TBC1D22A: variants seen among roughly 807,000 people sequenced by gnomAD.
TBC1D22A encodes the protein TBC1 domain family member 22A, also known as putative GTPase activator.
TBC1D22A carries 38 observed loss-of-function variants against 60.2 expected under a neutral mutation model. The observed-to-expected ratio is 0.63, with a 90% CI of 0.49 to 0.83. The LOEUF (loss-of-function observed/expected upper bound fraction) is 0.83. TBC1D22A is among the 40% of genes least tolerant of loss of function. The pLI is 0.00. For missense variants in TBC1D22A, 628 were observed against 701.0 expected, an observed-to-expected ratio of 0.90 and a Z score of 1.18; for synonymous variants, 302 against 281.7, an observed-to-expected ratio of 1.07 and a Z score of -0.72.
At position 46,862,041 on chromosome 22, in the gene TBC1D22A, G is replaced by A. The variant is rs377369238; in HGVS notation, c.638-16612G>A. Among the ~76,000 whole-genome samples, 5 of 152,188 alleles carry A rather than the reference G, an allele frequency of 3.3e-5. No individual in the cohort carries two copies. The South Asian group carries it at 1.0e-3, about 32-fold the overall frequency. On this transcript the variant is annotated intron_variant, in intron 4 of 12. Coordinates refer to ENST00000337137, the MANE Select transcript of TBC1D22A (RefSeq NM_014346.5). ...TGTGGCTTCAGGAGGGACTGGACAT[G>A]TGGTGTCAGGACAGCGTAGTGGGGC...
At chr22:47,034,600 G>A (rs1427830996) in intron 10 of TBC1D22A, among the ~76,000 whole-genome samples, 4 of 152,212 alleles carry the variant, frequency 2.6e-5, no homozygotes, top group African/African-American at 4.8e-5. Flanking sequence ...CTGCAAGCGG[G>A]CCCCTGCGTT....
chr22:47,126,440 G>A (rs1051032981), intron 12 of TBC1D22A, among the ~76,000 whole-genome samples: 2 of 152,200 alleles, frequency 1.3e-5, no homozygotes, highest in South Asian at 2.1e-4. Context: ...GCCAGCATGC[G>A]GCCAGCAGTA....
intron 4 of TBC1D22A, among the ~76,000 whole-genome samples, chr22:46,807,111 A>G (rs1366649128): frequency 6.6e-6 from 1 of 152,240 alleles, no homozygotes; most frequent in Non-Finnish European, 1.5e-5. Context: ...GCGAAGTTAC[A>G]GGGAAGAGGA....
chr22:47,112,348 G>T (rs1601546877), intron 12 of TBC1D22A, among the ~76,000 whole-genome samples: 1 of 152,202 alleles, frequency 6.6e-6, no homozygotes, highest in African/African-American at 2.4e-5. Flanking sequence ...CCCAGCAGTG[G>T]GAAGCAGACC....
intron 1 of TBC1D22A, among the ~76,000 whole-genome samples, chr22:46,776,272 G>A (rs1298700956): frequency 1.3e-5 from 2 of 152,196 alleles, no homozygotes; most frequent in African/African-American, 4.8e-5. Flanking sequence ...AGGAGTACAG[G>A]GTGTGTTTGG....
chr22:46,896,786 G>A (rs978327283), intron 7 of TBC1D22A, among the ~76,000 whole-genome samples: 2 of 152,030 alleles, frequency 1.3e-5, no homozygotes, highest in African/African-American at 2.4e-5. Flanking sequence ...CCTCTTCACC[G>A]TGGACTGGCC....
chr22:46,935,668 C>T (rs771786082), intron 8 of TBC1D22A, among the ~76,000 whole-genome samples: 39 of 152,192 alleles, frequency 2.6e-4, no homozygotes, highest in Non-Finnish European at 5.1e-4. Context: ...TGCTATGGGC[C>T]GTCTGTGGGC....
At chr22:46,981,248 GA>G (rs1230032136) in intron 9 of TBC1D22A, among the ~76,000 whole-genome samples, 1 of 152,256 alleles carries the variant, frequency 6.6e-6, no homozygotes, top group Non-Finnish European at 1.5e-5. Flanking sequence ...TATGATGGGA[GA>G]GGGGTGGTGG....
At chr22:47,014,962 T>C (rs1315612986) in intron 10 of TBC1D22A, among the ~76,000 whole-genome samples, 3 of 152,170 alleles carry the variant, frequency 2.0e-5, no homozygotes, top group Non-Finnish European at 4.4e-5. Flanking sequence ...AAGGGGCTTA[T>C]GTTCACTGGC....
chr22:46,923,034 A>G (rs2070845844), intron 8 of TBC1D22A, among the ~76,000 whole-genome samples: 1 of 152,166 alleles, frequency 6.6e-6, no homozygotes, highest in Non-Finnish European at 1.5e-5. Context: ...GCTTTTGTCC[A>G]TTCAGTGTGC....
chr22:47,062,087 CA>C lies in TBC1D22A; in HGVS notation c.1329+24910del, dbSNP rs908701365. Among the ~76,000 whole-genome samples, 414 of 63,000 alleles carry C rather than the reference CA, an allele frequency of 6.6e-3. 2 individuals carry two copies. The highest frequency in any genetic ancestry group is 0.024 in the African/African-American group (329 of 13,798). 41.3% of individuals were successfully genotyped at this position (63,000 alleles called of 152,430 possible). ...TGGGCGACAGAGCAAGACTCCATCT[CA>C]AAAAAAAAAAAAAAAAAAAAGACAA... On this transcript the variant is annotated intron_variant, in intron 11 of 12. Transcript: ENST00000337137.
chr22:46,850,063 G>T (rs1229118309), intron 4 of TBC1D22A, among the ~76,000 whole-genome samples: 1 of 152,194 alleles, frequency 6.6e-6, no homozygotes, highest in East Asian at 1.9e-4. Context: ...TCTTTCCTGG[G>T]TGTGCATCTG....
intron 8 of TBC1D22A, among the ~76,000 whole-genome samples, chr22:46,938,925 G>A (rs967122601): frequency 3.8e-4 from 58 of 151,884 alleles, no homozygotes; most frequent in African/African-American, 1.2e-3. Flanking sequence ...TAAAATAATA[G>A]AATGGGAGAA....
At chr22:46,792,824 A>C (rs2084477034) in intron 2 of TBC1D22A, 1 of 1,438,746 alleles carries the variant, frequency 7.0e-7, no homozygotes, top group African/African-American at 1.4e-5. Flanking sequence ...CCCTGGGGAG[A>C]GCCAGGAGCT....
intron 4 of TBC1D22A, among the ~76,000 whole-genome samples, chr22:46,864,538 C>A (rs906235150): frequency 3.9e-5 from 6 of 152,216 alleles, no homozygotes; most frequent in African/African-American, 1.4e-4. Context: ...TCTGACATTC[C>A]GCTTTCCACA....
chr22:47,127,838 C>G (rs1482272008), intron 12 of TBC1D22A, among the ~76,000 whole-genome samples: 1 of 151,600 alleles, frequency 6.6e-6, no homozygotes, highest in Non-Finnish European at 1.5e-5. Context: ...TATGTTGGTT[C>G]TCTTCAGGGC....
chr22:46,852,744 G>T (rs540274526), intron 4 of TBC1D22A, among the ~76,000 whole-genome samples: 1 of 152,218 alleles, frequency 6.6e-6, no homozygotes, highest in East Asian at 1.9e-4. Context: ...TTGAGCCTCC[G>T]TCTGAGCTCC....
intron 11 of TBC1D22A, among the ~76,000 whole-genome samples, chr22:47,087,062 C>A (rs958561722): frequency 3.9e-5 from 6 of 152,222 alleles, no homozygotes; most frequent in African/African-American, 1.4e-4. Context: ...CTCTTGGTTG[C>A]CTCACTGTTT....
chr22:46,998,676 G>C lies in TBC1D22A; in HGVS notation c.1201+967G>C, dbSNP rs1219028341. On this transcript the variant is annotated intron_variant, in intron 10 of 12. Coordinates refer to ENST00000337137, the MANE Select transcript of TBC1D22A (RefSeq NM_014346.5). ...AACTGCTGAGTGATATTCTAAAATG[G>C]ACTCCTACAAATTACAAACTCCATT... Among the ~76,000 whole-genome samples the C allele has an allele frequency of 2.0e-5, 3 of 152,216 alleles. No homozygotes were observed. In the South Asian group the frequency reaches 6.2e-4, roughly 31 times the overall value.
Sources: gnomAD v4.1 joint callset for allele counts (sites outside exome capture counted in the v4.1 genomes callset) on GRCh38, gnomAD v4.1.1 for gene constraint, MANE v1.5 for transcripts, NCBI Gene and HGNC (gene_info 2026-07-23, HGNC 2026-07-21) for gene names.